Variants in TMEFF1 observed in about 807,000 individuals in gnomAD.
TMEFF1 encodes transmembrane protein with EGF like and two follistatin like domains 1.
Under a neutral mutation model 47.5 loss-of-function variants are expected in TMEFF1, and 20 were observed. The observed-to-expected ratio is 0.42, with a 90% confidence interval of 0.30 to 0.61. The LOEUF (loss-of-function observed/expected upper bound fraction) is 0.61, where lower values mean the gene tolerates loss of function less well. Ranked by LOEUF, TMEFF1 falls within the 20% of genes least tolerant of loss-of-function variation. TMEFF1 has a pLI of 0.19. For missense variants in TMEFF1, 411 were observed against 471.1 expected (o/e 0.87, Z 1.18); for synonymous variants, 162 against 166.3 (o/e 0.97, Z 0.20).
chr9:100,524,684 G>GCC (rs1361374431), intron 5 of TMEFF1, among the ~76,000 whole-genome samples: 2,679 of 152,302 alleles, frequency 0.018, 72 homozygotes, highest in African/African-American at 0.06. Context: ...AATTAACTGA[G>GCC]TGGGTTGAGT....
intron 5 of TMEFF1, among the ~76,000 whole-genome samples, chr9:100,517,317 A>T (rs1348668215): frequency 6.6e-6 from 1 of 152,152 alleles, no homozygotes; most frequent in Non-Finnish European, 1.5e-5. Flanking sequence ...TGACTTTAGG[A>T]CCTGGGAGCA....
At chr9:100,517,453 A>G (rs1273706833) in intron 5 of TMEFF1, among the ~76,000 whole-genome samples, 1 of 152,098 alleles carries the variant, frequency 6.6e-6, no homozygotes, top group Non-Finnish European at 1.5e-5. Context: ...CCAGTTCCGT[A>G]TTTATTCAGC....
chr9:100,561,137 A>C (rs1839006039), intron 7 of TMEFF1, among the ~76,000 whole-genome samples: 1 of 152,236 alleles, frequency 6.6e-6, no homozygotes. Context: ...TTTAAACAAC[A>C]GTAACTCCTA....
chr9:100,554,307 A>G (rs1838877656), intron 7 of TMEFF1, among the ~76,000 whole-genome samples: 1 of 152,168 alleles, frequency 6.6e-6, no homozygotes, highest in African/African-American at 2.4e-5. Flanking sequence ...CGCTAAGATC[A>G]ATGAAGGAAA....
intron 5 of TMEFF1, among the ~76,000 whole-genome samples, chr9:100,536,511 G>A (rs1340005539): frequency 1.3e-5 from 2 of 152,080 alleles, no homozygotes; most frequent in African/African-American, 4.8e-5. Context: ...AAAAGTTTTT[G>A]TACATTTGTT....
Position 100,516,407 on chromosome 9 carries a change from A to G in TMEFF1, c.464-268A>G, listed in dbSNP as rs112082002. Among the ~76,000 whole-genome samples the G allele has an allele frequency of 4.4e-3, 675 of 152,280 alleles. 6 individuals carry two copies. Among genetic ancestry groups the G allele is most frequent in the African/African-American group, 0.015 (638 of 41,552 alleles). On this transcript the variant is annotated intron_variant, in intron 4 of 9. Coordinates refer to ENST00000374879, the MANE Select transcript of TMEFF1 (RefSeq NM_003692.5). ...TATGGTAATTTTTCTTAAAAAAGCA[A>G]TTCATTATCAAACCTACTGTGTAGT...
intron 5 of TMEFF1, among the ~76,000 whole-genome samples, chr9:100,545,349 A>C (rs2118502236): frequency 6.6e-6 from 1 of 152,284 alleles, no homozygotes; most frequent in South Asian, 2.1e-4. Flanking sequence ...TGCAGGCTTA[A>C]CACCATGTGG....
intron 5 of TMEFF1, among the ~76,000 whole-genome samples, chr9:100,523,488 C>A (rs1293769110): frequency 2.6e-5 from 4 of 152,080 alleles, no homozygotes; most frequent in South Asian, 2.1e-4. Context: ...CTTTTATAGG[C>A]CTTTGTTGAA....
Position 100,516,780 on chromosome 9 carries a change from G to A in TMEFF1, c.560+9G>A. The A allele has an allele frequency of 6.2e-7, 1 of 1,612,316 alleles. No homozygotes were observed. Among genetic ancestry groups the A allele is most frequent in the East Asian group, 2.2e-5 (1 of 44,822 alleles). ...GATGCAGAAAATGTTGGGTGAGTTG[G>A]TTGAGGGGAAGGGACAAAGTTATTT... On this transcript the variant is annotated intron_variant, in intron 5 of 9. Transcript: ENST00000374879.
chr9:100,474,759 C>G (rs1308488201), intron 1 of TMEFF1, among the ~76,000 whole-genome samples: 1 of 151,994 alleles, frequency 6.6e-6, no homozygotes, highest in Non-Finnish European at 1.5e-5. Context: ...CAGCGGGGAG[C>G]AAGGGAGTGA....
At chr9:100,542,016 A>G (rs567348002) in intron 5 of TMEFF1, among the ~76,000 whole-genome samples, 2 of 152,212 alleles carry the variant, frequency 1.3e-5, no homozygotes, top group African/African-American at 2.4e-5. Context: ...TTTAATTGGA[A>G]AATGTGGTCA....
At chr9:100,570,562 C>A (rs563400931) in intron 8 of TMEFF1, among the ~76,000 whole-genome samples, 4 of 152,178 alleles carry the variant, frequency 2.6e-5, no homozygotes, top group African/African-American at 9.6e-5. Context: ...TATCTTAGCA[C>A]CCTTGTCAAA....
intron 5 of TMEFF1, among the ~76,000 whole-genome samples, chr9:100,530,715 A>T (rs1838360323): frequency 6.6e-6 from 1 of 152,234 alleles, no homozygotes; most frequent in Admixed American, 6.5e-5. Flanking sequence ...AAAAAGAGGG[A>T]ACCCTTCCTA....
At chr9:100,531,313 G>A (rs1021901845) in intron 5 of TMEFF1, among the ~76,000 whole-genome samples, 24 of 152,136 alleles carry the variant, frequency 1.6e-4, no homozygotes, top group Non-Finnish European at 1.5e-4. Context: ...GTTTGCAGAC[G>A]ACATGATTGT....
intron 9 of TMEFF1, among the ~76,000 whole-genome samples, chr9:100,574,139 A>G (rs1839304698): frequency 6.6e-6 from 1 of 152,218 alleles, no homozygotes; most frequent in South Asian, 2.1e-4. Flanking sequence ...TGACCATTGC[A>G]TGGGAGCAGG....
chr9:100,536,178 C>T (rs1030562397), intron 5 of TMEFF1, among the ~76,000 whole-genome samples: 4 of 152,060 alleles, frequency 2.6e-5, no homozygotes, highest in African/African-American at 9.7e-5. Flanking sequence ...AAAAGTAAAA[C>T]TAATGGTATG....
At chr9:100,572,823 T>C (rs1280343514) in intron 9 of TMEFF1, 147 bp downstream of exon 9, 1 of 1,020,482 alleles carries the variant, frequency 9.8e-7, no homozygotes, top group African/African-American at 1.7e-5. Context: ...CCTTCTTCTT[T>C]AGGATACGGG....
intron 8 of TMEFF1, among the ~76,000 whole-genome samples, chr9:100,567,669 A>T (rs1839149130): frequency 6.6e-6 from 1 of 152,158 alleles, no homozygotes; most frequent in Non-Finnish European, 1.5e-5. Flanking sequence ...GTGTTTTGGG[A>T]TGAAAATAGA....
chr9:100,509,478 A>G (rs953627743), intron 3 of TMEFF1, among the ~76,000 whole-genome samples: 1 of 152,130 alleles, frequency 6.6e-6, no homozygotes, highest in Non-Finnish European at 1.5e-5. Flanking sequence ...GATTTTTTAA[A>G]AAGAGGTGAG....
Sources: allele counts gnomAD v4.1 joint callset (sites outside exome capture counted in the v4.1 genomes callset), GRCh38; gene constraint gnomAD v4.1.1; transcripts MANE v1.5; gene names NCBI Gene and HGNC (gene_info 2026-07-23, HGNC 2026-07-21).